Variants in MEF2C observed in about 807,000 individuals in gnomAD.
MEF2C encodes the protein myocyte-specific enhancer factor 2C.
Under a neutral mutation model 50.5 loss-of-function variants are expected in MEF2C, and 6 were observed. The ratio of observed to expected loss-of-function variants is 0.12; its 90% CI spans 0.07 to 0.23. The LOEUF is 0.23. MEF2C is among the 10% of genes least tolerant of loss of function. MEF2C has a pLI of 1.00. For missense variants in MEF2C, 276 were observed against 605.0 expected (o/e 0.46, Z 5.70); for synonymous variants, 183 against 228.0 (o/e 0.80, Z 1.78).
At position 88,766,977 on chromosome 5, in the gene MEF2C, T is replaced by C. The variant is rs1466056660; in HGVS notation, c.259-5649A>G. Reference sequence around the variant, plus strand: ...ATCTTTAGAAAGTAGTAAATTCATGTAGGAATAGGAAGTGCAGTTGAAATG... The same window carrying C: ...ATCTTTAGAAAGTAGTAAATTCATGCAGGAATAGGAAGTGCAGTTGAAATG... On this transcript the variant is annotated intron_variant, in intron 3 of 10. Transcript: ENST00000504921. Among the ~76,000 whole-genome samples the C allele has an allele frequency of 2.6e-5, 4 of 152,222 alleles. No homozygotes were observed. In the East Asian group the frequency reaches 7.7e-4, roughly 29 times the overall value.
At chr5:88,811,502 T>G (rs868858985) in intron 2 of MEF2C, among the ~76,000 whole-genome samples, 32 of 152,234 alleles carry the variant, frequency 2.1e-4, no homozygotes, top group South Asian at 2.1e-3. Context: ...TTTATTCTAA[T>G]TTTTAGATGT....
chr5:88,722,832 A>T lies in MEF2C; in HGVS notation c.1194T>A (p.Pro398=), dbSNP rs763431043. The T allele has an allele frequency of 6.2e-7, 1 of 1,613,950 alleles. No individual in the cohort carries two copies. Among genetic ancestry groups the T allele is most frequent in the Non-Finnish European group, 8.5e-7 (1 of 1,179,874 alleles). The change falls in exon 11 of 11, where the codon CCT becomes CCA. Residue 398 remains proline, a synonymous_variant. Transcript: ENST00000504921. ...TCGAAGGGGTGGTGGTACGGTCTCTAGGAGGAGAAACAGGTTCTGACTTGA... is the reference window on the plus strand; with the variant it reads ...TCGAAGGGGTGGTGGTACGGTCTCTTGGAGGAGAAACAGGTTCTGACTTGA... ...LNIKSEPVSP[P]RDRTTTPSRY...
chr5:88,724,659 C>T lies in MEF2C; in HGVS notation c.1101-1734G>A, dbSNP rs1025906050. Among the ~76,000 whole-genome samples, 3 of 152,018 alleles carry T rather than the reference C, an allele frequency of 2.0e-5. No individual in the cohort carries two copies. In the South Asian group the frequency reaches 6.2e-4, roughly 32 times the overall value. On this transcript the variant is annotated intron_variant, in intron 10 of 10. Transcript: ENST00000504921. ...TATAGTCTATCAGTTTACTAATTTT[C>T]CAAAAGTTTTAATTAAATAAGCCTT...
chr5:88,897,233 T>C (rs1021619922), intron 1 of MEF2C, among the ~76,000 whole-genome samples: 2 of 152,242 alleles, frequency 1.3e-5, no homozygotes, highest in Admixed American at 1.3e-4. Context: ...ATAAGGTCTG[T>C]GCTTGTGTTG....
chr5:88,819,195 A>G (rs991946002), intron 2 of MEF2C, among the ~76,000 whole-genome samples: 2 of 151,958 alleles, frequency 1.3e-5, no homozygotes, highest in Non-Finnish European at 2.9e-5. Flanking sequence ...TACTGGATGC[A>G]GTATAATTGG....
chr5:88,739,194 A>G (rs1333886147), intron 6 of MEF2C: 16 of 976,470 alleles, frequency 1.6e-5, no homozygotes, highest in African/African-American at 5.3e-5. Context: ...GTATAAAAAT[A>G]ATTTTGTTTA....
intron 9 of MEF2C, among the ~76,000 whole-genome samples, chr5:88,728,979 A>G (rs1428656350): frequency 6.6e-6 from 1 of 152,182 alleles, no homozygotes; most frequent in African/African-American, 2.4e-5. Context: ...AAACAGCTCA[A>G]TTTTCTTGAA....
intron 4 of MEF2C, among the ~76,000 whole-genome samples, chr5:88,753,112 A>C (rs1773615070): frequency 6.6e-6 from 1 of 151,806 alleles, no homozygotes; most frequent in Admixed American, 6.6e-5. Context: ...TTTTGTTTTT[A>C]CTATTGTTTG....
intron 1 of MEF2C, among the ~76,000 whole-genome samples, chr5:88,827,354 A>G (rs532284011): frequency 3.0e-4 from 46 of 152,040 alleles, no homozygotes; most frequent in South Asian, 1.0e-3. Flanking sequence ...CTGGTCAGGG[A>G]AGGATATGAT....
At chr5:88,734,142 T>C in intron 6 of MEF2C, 1 of 984,754 alleles carries the variant, frequency 1.0e-6, no homozygotes, top group Non-Finnish European at 1.2e-6. Flanking sequence ...ATTGTGAATA[T>C]GTTATGAACT....
intron 1 of MEF2C, among the ~76,000 whole-genome samples, chr5:88,847,753 T>C (rs763861268): frequency 1.9e-4 from 29 of 152,130 alleles, no homozygotes; most frequent in Non-Finnish European, 4.1e-4. Flanking sequence ...GACCTCTAGA[T>C]AGAATTTTAA....
intron 2 of MEF2C, among the ~76,000 whole-genome samples, chr5:88,811,709 A>C (rs1802897676): frequency 6.6e-6 from 1 of 152,150 alleles, no homozygotes; most frequent in South Asian, 2.1e-4. Flanking sequence ...GACTGTAAAG[A>C]ATTTGAGTAG....
Position 88,729,276 on chromosome 5 carries a change from A to G in MEF2C, c.906T>C (p.Thr302=), listed in dbSNP as rs1214960603. The change falls in exon 9 of 11, where the codon ACT becomes ACC. Residue 302 remains threonine (T), a synonymous_variant. Transcript: ENST00000504921. ...ATCCTCCCATTCCTTGTCCTGGTAA[A>G]GTAGGAGTTGCTACGGAAACCACTG... The part of the protein sequence containing the change: ...ATPVVSVATP[T]LPGQGMGGYP... 3 of 1,613,122 alleles carry G rather than the reference A, an allele frequency of 1.9e-6. No homozygotes were observed. Among genetic ancestry groups the G allele is most frequent in the African/African-American group, 2.7e-5 (2 of 74,888 alleles).
In MEF2C at chr5:88,720,571, A is replaced by G. The variant is rs1755984753; in HGVS notation, c.*2033T>C. 6.6e-6 allele frequency: 1 copy of G among 152,602 alleles called. No homozygotes were observed. The highest frequency in any genetic ancestry group is 2.1e-4 in the South Asian group (1 of 4,832). The allele number at this position is 152,602 out of a possible 1,614,324, so 9.5% of individuals were successfully genotyped here. On this transcript the variant is annotated 3_prime_UTR_variant, in exon 11 of 11. Coordinates refer to ENST00000504921, the MANE Select transcript of MEF2C (RefSeq NM_002397.5). ...ATGGATAAGAAATGTCCTACACATG[A>G]TATAGCAGTGTTGATATTACTGCCT...
intron 3 of MEF2C, among the ~76,000 whole-genome samples, chr5:88,784,044 T>C (rs1789558126): frequency 6.6e-6 from 1 of 152,250 alleles, no homozygotes; most frequent in Non-Finnish European, 1.5e-5. Flanking sequence ...AATGCTTTAA[T>C]GAATAATTTG....
rs548593693 is a variant in MEF2C, at chr5:88,734,521, T to G, written c.638-2620A>C. ...TGTGATATGACAAGCACTGGGCCAGTGTGCGAAAATGGAAATGCTTCACGG... is the reference window on the plus strand; with the variant it reads ...TGTGATATGACAAGCACTGGGCCAGGGTGCGAAAATGGAAATGCTTCACGG... On this transcript the variant is annotated intron_variant, in intron 6 of 10. Transcript: ENST00000504921. 209 of 977,494 alleles carry G rather than the reference T, an allele frequency of 2.1e-4. No homozygotes were observed. The African/African-American group carries it at 3.6e-3, about 17-fold the overall frequency. 60.6% of individuals were successfully genotyped at this position (977,494 alleles called of 1,614,324 possible).
At chr5:88,843,869 G>A (rs1272008835) in intron 1 of MEF2C, among the ~76,000 whole-genome samples, 1 of 150,830 alleles carries the variant, frequency 6.6e-6, no homozygotes, top group Non-Finnish European at 1.5e-5. Context: ...GAGTGCAGTG[G>A]TGCAATCTCG....
In MEF2C at chr5:88,719,378, T is replaced by C. The variant is rs1212707738; in HGVS notation, c.*3226A>G. On this transcript the variant is annotated 3_prime_UTR_variant, in exon 11 of 11. Transcript: ENST00000504921. ...TAAACAGCCTCCACGCAGCAATGCA[T>C]ACAATATACAGGTTGTGCAGCTTGC... 1 of 152,238 alleles carries C rather than the reference T, an allele frequency of 6.6e-6. No homozygotes were observed. The highest frequency in any genetic ancestry group is 1.5e-5 in the Non-Finnish European group (1 of 68,034). The allele number at this position is 152,238 out of a possible 1,614,324, so 9.4% of individuals were successfully genotyped here. A position where few individuals can be genotyped will look rare whatever the true frequency, so the allele number is the denominator to read the frequency against.
chr5:88,871,173 A>G (rs1394088087), intron 1 of MEF2C, among the ~76,000 whole-genome samples: 2 of 152,014 alleles, frequency 1.3e-5, no homozygotes, highest in Non-Finnish European at 2.9e-5. Flanking sequence ...GTTGTTTAAT[A>G]GATTAGTAGT....
Sources: gnomAD v4.1 joint callset for allele counts (sites outside exome capture counted in the v4.1 genomes callset) on GRCh38, gnomAD v4.1.1 for gene constraint, MANE v1.5 for transcripts, NCBI Gene and HGNC (gene_info 2026-07-23, HGNC 2026-07-21) for gene names.